Variants in LIMCH1 observed in about 807,000 individuals in gnomAD.
LIMCH1 encodes the protein LIM and calponin homology domains-containing protein 1.
LIMCH1 carries 113 observed loss-of-function variants against 176.5 expected under a neutral mutation model. The ratio of observed to expected loss-of-function variants is 0.64; its 90% CI spans 0.55 to 0.75. The LOEUF (loss-of-function observed/expected upper bound fraction) is 0.75. LIMCH1 is among the 30% of genes least tolerant of loss of function. LIMCH1 has a pLI of 0.00. For missense variants in LIMCH1, 1,674 were observed against 1,814.9 expected (o/e 0.92, Z 1.41); for synonymous variants, 619 against 645.9 (o/e 0.96, Z 0.63).
chr4:41,477,998 A>G lies in LIMCH1; in HGVS notation c.97-16538A>G, dbSNP rs75830210. ...ATATTTGAACTAAACAGCTCTTAAAAGTAGCATTTCTCGCCACAGTGTTTT... is the reference window on the plus strand; with the variant it reads ...ATATTTGAACTAAACAGCTCTTAAAGGTAGCATTTCTCGCCACAGTGTTTT... On this transcript the variant is annotated intron_variant, in intron 1 of 26. Transcript: ENST00000313860. Among the ~76,000 whole-genome samples, 925 of 152,336 alleles carry G rather than the reference A, an allele frequency of 6.1e-3. 7 individuals are homozygous for G. The highest frequency in any genetic ancestry group is 0.021 in the African/African-American group (889 of 41,574).
At chr4:41,444,843 T>C (rs2063110101) in intron 1 of LIMCH1, among the ~76,000 whole-genome samples, 1 of 152,200 alleles carries the variant, frequency 6.6e-6, no homozygotes, top group Non-Finnish European at 1.5e-5. Context: ...GGGCAATATT[T>C]TGCCGAAATC....
intron 4 of LIMCH1, among the ~76,000 whole-genome samples, chr4:41,610,319 G>A (rs1309428157): frequency 6.6e-6 from 1 of 152,148 alleles, no homozygotes; most frequent in Admixed American, 6.5e-5. Flanking sequence ...CAAGGAACTT[G>A]TAGCTGTGTC....
chr4:41,494,601 C>T (rs921694552), exon 2 of LIMCH1: 1 of 1,607,190 alleles, frequency 6.2e-7, no homozygotes, highest in African/African-American at 1.3e-5. Flanking sequence ...GAATCCTCCT[C>T]TGCGAGTAAG....
chr4:41,687,017 G>A (rs1195019817), intron 28 of LIMCH1, among the ~76,000 whole-genome samples: 1 of 152,198 alleles, frequency 6.6e-6, no homozygotes, highest in Non-Finnish European at 1.5e-5. Context: ...ATTTGGAGAA[G>A]ACAAGCATTC....
At position 41,612,530 on chromosome 4, in the gene LIMCH1, G is replaced by A. The variant is rs1476546456; in HGVS notation, c.10-936G>A. The A allele has an allele frequency of 4.3e-6, 3 of 702,198 alleles. No individual in the cohort carries two copies. The South Asian group carries it at 4.4e-5, about 10-fold the overall frequency. The allele number at this position is 702,198 out of a possible 1,614,324, so 43.5% of individuals were successfully genotyped here. On this transcript the variant is annotated intron_variant, in intron 4 of 31. Transcript: ENST00000503057. ...TCTTTGAGTGACCAGAGTTATTTTT[G>A]TTTTAGTCAGCCTGGACTATTGTAA...
chr4:41,585,746 G>A (rs1036298519), intron 1 of LIMCH1, among the ~76,000 whole-genome samples: 4 of 152,072 alleles, frequency 2.6e-5, no homozygotes, highest in African/African-American at 7.2e-5. Flanking sequence ...AGTGTGAAGC[G>A]ATATCTCATT....
At chr4:41,496,650 G>A (rs778633024) in intron 2 of LIMCH1, among the ~76,000 whole-genome samples, 1 of 152,204 alleles carries the variant, frequency 6.6e-6, no homozygotes, top group Non-Finnish European at 1.5e-5. Context: ...GCTAGGTTTT[G>A]TGTAAGTTGA....
chr4:41,520,021 T>A (rs1257741829), intron 2 of LIMCH1, among the ~76,000 whole-genome samples: 1 of 152,240 alleles, frequency 6.6e-6, no homozygotes, highest in Non-Finnish European at 1.5e-5. Context: ...CTGATACCTA[T>A]GATTTTTAAT....
intron 1 of LIMCH1, among the ~76,000 whole-genome samples, chr4:41,539,208 T>C (rs1323507005): frequency 1.3e-5 from 2 of 152,156 alleles, no homozygotes; most frequent in Non-Finnish European, 2.9e-5. Context: ...CTGATTGTGA[T>C]TCTCTCACTG....
intron 1 of LIMCH1, among the ~76,000 whole-genome samples, chr4:41,584,248 T>C (rs1036024677): frequency 6.6e-6 from 1 of 152,186 alleles, no homozygotes; most frequent in African/African-American, 2.4e-5. Flanking sequence ...CAGACCTTGA[T>C]GTTTGACTCC....
At chr4:41,374,772 C>T (rs1003713145) in intron 1 of LIMCH1, among the ~76,000 whole-genome samples, 14 of 152,070 alleles carry the variant, frequency 9.2e-5, no homozygotes, top group African/African-American at 2.9e-4. Context: ...CATTGTGTGG[C>T]TTTATGCTCT....
intron 14 of LIMCH1, among the ~76,000 whole-genome samples, chr4:41,640,962 T>C (rs2093795697): frequency 6.6e-6 from 1 of 152,176 alleles, no homozygotes; most frequent in Admixed American, 6.5e-5. Flanking sequence ...TCACACTCTT[T>C]CCCTCCCAAT....
intron 1 of LIMCH1, among the ~76,000 whole-genome samples, chr4:41,553,456 T>C (rs2080816468): frequency 6.6e-6 from 1 of 152,062 alleles, no homozygotes; most frequent in South Asian, 2.1e-4. Context: ...AAAGGTGGTA[T>C]GTATGTTCCC....
intron 22 of LIMCH1, among the ~76,000 whole-genome samples, chr4:41,673,889 A>G (rs77520795): frequency 0.014 from 2,196 of 152,254 alleles, 54 homozygotes; most frequent in African/African-American, 0.05. Context: ...ATCTCTTATG[A>G]TAGTTATCAC....
At chr4:41,670,102 AG>A (rs1222165513) in intron 21 of LIMCH1, among the ~76,000 whole-genome samples, 1 of 152,250 alleles carries the variant, frequency 6.6e-6, no homozygotes, top group Non-Finnish European at 1.5e-5. Flanking sequence ...GCTGCCTCTC[AG>A]CAGCAGAAAG....
At chr4:41,663,232 C>A (rs1211952471) in intron 20 of LIMCH1, among the ~76,000 whole-genome samples, 1 of 151,654 alleles carries the variant, frequency 6.6e-6, no homozygotes, top group East Asian at 1.9e-4. Flanking sequence ...CTGCTCACCA[C>A]AACTTCTACC....
intron 1 of LIMCH1, among the ~76,000 whole-genome samples, chr4:41,428,624 C>T (rs1380317684): frequency 4.6e-5 from 7 of 152,164 alleles, no homozygotes; most frequent in Admixed American, 2.0e-4. Flanking sequence ...ATCTCCCTAT[C>T]GGTAAAAGGT....
chr4:41,585,326 T>C (rs1049572473), intron 1 of LIMCH1, among the ~76,000 whole-genome samples: 1 of 152,250 alleles, frequency 6.6e-6, no homozygotes, highest in East Asian at 1.9e-4. Context: ...GTCTGACTTA[T>C]TTCACTTAGC....
intron 2 of LIMCH1, among the ~76,000 whole-genome samples, chr4:41,495,422 C>T (rs2071939099): frequency 6.6e-6 from 1 of 152,152 alleles, no homozygotes; most frequent in Admixed American, 6.5e-5. Context: ...CCTCATGCCC[C>T]TTCTCACTCA....
Sources: allele counts gnomAD v4.1 joint callset (sites outside exome capture counted in the v4.1 genomes callset), GRCh38; gene constraint gnomAD v4.1.1; transcripts MANE v1.5; gene names NCBI Gene and HGNC (gene_info 2026-07-23, HGNC 2026-07-21).